CTNNA3: variants seen among roughly 807,000 people sequenced by gnomAD.
The protein encoded by CTNNA3 is catenin alpha-3.
A neutral mutation model predicts 95.7 loss-of-function variants in CTNNA3; 76 were observed. That is an observed-to-expected ratio of 0.79 (90% CI 0.66 to 0.96). CTNNA3 has a LOEUF of 0.96. Among genes scored for constraint, CTNNA3 ranks in the 40% least tolerant of loss-of-function variants. The probability of loss-of-function intolerance (pLI) is 0.00; values close to 1 mark genes in which losing one functional copy is unlikely to be tolerated. For missense variants in CTNNA3, 1,191 were observed against 1,089.8 expected (o/e 1.09, Z -1.31); for synonymous variants, 431 against 374.4 (o/e 1.15, Z -1.74).
chr10:66,958,971 A>G (rs1848979138), intron 7 of CTNNA3, among the ~76,000 whole-genome samples: 1 of 152,124 alleles, frequency 6.6e-6, no homozygotes, highest in Non-Finnish European at 1.5e-5. Context: ...ATAGGGAGAG[A>G]GAGTGTAAAT....
intron 9 of CTNNA3, among the ~76,000 whole-genome samples, chr10:66,622,896 T>A (rs16923320): frequency 0.037 from 5,559 of 152,214 alleles, 328 homozygotes; most frequent in African/African-American, 0.13. Context: ...TCTTTTAATA[T>A]GCCAATAGTG....
intron 13 of CTNNA3, among the ~76,000 whole-genome samples, chr10:66,185,539 C>A (rs2086287916): frequency 6.6e-6 from 1 of 152,016 alleles, no homozygotes. Context: ...CATCAGGAAT[C>A]TGTCTGAAAA....
At chr10:67,523,238 C>T (rs183853850) in intron 4 of CTNNA3, among the ~76,000 whole-genome samples, 1 of 152,238 alleles carries the variant, frequency 6.6e-6, no homozygotes, top group Non-Finnish European at 1.5e-5. Context: ...ACCTACTATG[C>T]ACAAAGCACT....
chr10:67,364,431 T>G (rs1843126677), intron 5 of CTNNA3, among the ~76,000 whole-genome samples: 1 of 152,188 alleles, frequency 6.6e-6, no homozygotes, highest in Non-Finnish European at 1.5e-5. Context: ...ATGCCCTCTC[T>G]CACCACTCCT....
intron 5 of CTNNA3, among the ~76,000 whole-genome samples, chr10:67,441,096 A>G (rs1208889830): frequency 1.1e-4 from 16 of 152,160 alleles, no homozygotes; most frequent in Non-Finnish European, 1.5e-4. Context: ...TAAATTTAAC[A>G]AAGAGATTTA....
At chr10:67,521,780 G>A (rs2064145379) in intron 5 of CTNNA3, 62 bp downstream of exon 5, 4 of 1,569,508 alleles carry the variant, frequency 2.5e-6, no homozygotes, top group African/African-American at 2.7e-5. Flanking sequence ...ACCTCTGACA[G>A]GCAGGATGGC....
chr10:67,301,793 C>T (rs1840287032), intron 5 of CTNNA3, among the ~76,000 whole-genome samples: 1 of 151,868 alleles, frequency 6.6e-6, no homozygotes, highest in South Asian at 2.1e-4. Context: ...ACGGTGAAAC[C>T]CCGTCTCTAC....
chr10:66,381,813 CAATCT>C (rs2092841260), intron 11 of CTNNA3, among the ~76,000 whole-genome samples: 2 of 152,088 alleles, frequency 1.3e-5, no homozygotes, highest in East Asian at 1.9e-4. Context: ...AGTCATGGTC[CAATCT>C]CAACAGAAAG....
At chr10:67,438,807 C>A (rs903837000) in intron 5 of CTNNA3, among the ~76,000 whole-genome samples, 1 of 152,170 alleles carries the variant, frequency 6.6e-6, no homozygotes, top group Non-Finnish European at 1.5e-5. Flanking sequence ...CCTGTCACAG[C>A]AGAGAGCAAA....
chr10:67,233,874 C>T (rs1865335489), intron 5 of CTNNA3, among the ~76,000 whole-genome samples: 1 of 152,182 alleles, frequency 6.6e-6, no homozygotes, highest in African/African-American at 2.4e-5. Flanking sequence ...TCAGAGAATA[C>T]TACAAACACC....
intron 7 of CTNNA3, among the ~76,000 whole-genome samples, chr10:67,093,283 CTG>C (rs1203581672): frequency 5.9e-5 from 9 of 152,006 alleles, no homozygotes; most frequent in African/African-American, 2.2e-4. Flanking sequence ...CTTAGGGTAA[CTG>C]TTTATTTTAT....
chr10:67,601,121 T>A (rs1843070540), intron 3 of CTNNA3, among the ~76,000 whole-genome samples: 2 of 152,236 alleles, frequency 1.3e-5, no homozygotes, highest in Admixed American at 6.5e-5. Context: ...ATATGTATTG[T>A]TGTTAGAGAT....
chr10:66,681,184 T>G lies in CTNNA3; in HGVS notation c.1282-59400A>C, dbSNP rs77697561. The stretch of plus-strand genomic sequence containing the variant: ...TCATAAGAGTGCTTTCTAGAAGAAT[T>G]ACCCATTTGTTCATTATGTAAGAGA... On this transcript the variant is annotated intron_variant, in intron 9 of 17. Transcript: ENST00000433211. Among the ~76,000 whole-genome samples, 46 of 152,306 alleles carry G rather than the reference T, an allele frequency of 3.0e-4. 1 individual carries two copies. In the East Asian group the frequency reaches 7.0e-3, roughly 23 times the overall value.
rs1387085756 is a variant in CTNNA3 at position 67,716,868 on chromosome 10, C to G, written c.-2+46566G>C. ...AGGATTGCTGGGTCAAATGGTATTT[C>G]TGGTTCTAGATCCTTGAGGAATCGC... On this transcript the variant is annotated intron_variant, in intron 1 of 17. Coordinates refer to the CTNNA3 transcript ENST00000684154. Among the ~76,000 whole-genome samples the G allele has an allele frequency of 5.3e-5, 8 of 152,296 alleles. No homozygotes were observed. The South Asian group carries it at 1.7e-3, about 32-fold the overall frequency.
At chr10:67,480,572 T>C (rs1055829781) in intron 5 of CTNNA3, among the ~76,000 whole-genome samples, 1 of 152,170 alleles carries the variant, frequency 6.6e-6, no homozygotes, top group South Asian at 2.1e-4. Flanking sequence ...CCACAAACAA[T>C]AGCATGAGCA....
At chr10:67,762,482 T>C (rs1274835434) in intron 1 of CTNNA3, among the ~76,000 whole-genome samples, 1 of 151,702 alleles carries the variant, frequency 6.6e-6, no homozygotes, top group Non-Finnish European at 1.5e-5. Context: ...AGAGGATTCT[T>C]TAAAGGGGAA....
intron 15 of CTNNA3, among the ~76,000 whole-genome samples, chr10:66,058,753 G>T (rs533387973): frequency 2.6e-5 from 4 of 152,180 alleles, no homozygotes; most frequent in Non-Finnish European, 5.9e-5. Context: ...TTAGTTAGCT[G>T]GCTCATCAAA....
chr10:66,969,855 C>T (rs958516796), intron 7 of CTNNA3, among the ~76,000 whole-genome samples: 1 of 152,126 alleles, frequency 6.6e-6, no homozygotes, highest in Admixed American at 6.6e-5. Flanking sequence ...CTCTATATTT[C>T]CACAACATGG....
At chr10:66,041,628 G>A (rs898571588) in intron 15 of CTNNA3, among the ~76,000 whole-genome samples, 2 of 152,102 alleles carry the variant, frequency 1.3e-5, no homozygotes, top group South Asian at 2.1e-4. Context: ...CTCTCTCTTC[G>A]ATGTTGACAA....
Sources: gnomAD v4.1 joint callset for allele counts (sites outside exome capture counted in the v4.1 genomes callset) on GRCh38, gnomAD v4.1.1 for gene constraint, MANE v1.5 for transcripts, NCBI Gene and HGNC (gene_info 2026-07-23, HGNC 2026-07-21) for gene names.